PGLYRP2: variants seen among roughly 807,000 people sequenced by gnomAD.
PGLYRP2 encodes N-acetylmuramoyl-L-alanine amidase.
PGLYRP2 carries 38 observed loss-of-function variants against 46.2 expected under a neutral mutation model. The ratio of observed to expected loss-of-function variants is 0.82; its 90% CI spans 0.64 to 1.08. The LOEUF is 1.08. PGLYRP2 is among the 50% of genes least tolerant of loss of function. The pLI, the probability that PGLYRP2 is intolerant of heterozygous loss-of-function variation, is 0.00. For missense variants in PGLYRP2, 713 were observed against 755.9 expected, an observed-to-expected ratio of 0.94 and a Z score of 0.67; for synonymous variants, 289 against 329.4, an observed-to-expected ratio of 0.88 and a Z score of 1.33.
chr19:15,475,766 G>A lies in PGLYRP2; in HGVS notation c.904C>T (p.Gln302Ter). 6.2e-7 allele frequency: 1 copy of A among 1,614,058 alleles called. No individual in the cohort carries two copies. Among genetic ancestry groups the A allele is most frequent in the Non-Finnish European group, 8.5e-7 (1 of 1,179,964 alleles). Reference sequence around the variant, plus strand: ...CTGGCCACCCCAGCCCCATAGTACTGGCTCAGCAAGTGGCTGAGGGATGGC... The same window carrying A: ...CTGGCCACCCCAGCCCCATAGTACTAGCTCAGCAAGTGGCTGAGGGATGGC... ...PRPSLSHLLSQYYGAGVARDP... is the reference protein window; with the variant it reads ...PRPSLSHLLS Residue 302 changes from glutamine (Q) to a stop codon, truncating the protein, a stop_gained, in exon 2 of 5, where the codon CAG becomes TAG. Coordinates refer to ENST00000340880, the MANE Select transcript of PGLYRP2 (RefSeq NM_052890.4). LOFTEE classifies it high-confidence loss of function.
Position 15,469,531 on chromosome 19 carries a change from G to A in PGLYRP2, c.1641+101C>T. 2.7e-6 allele frequency: 4 copies of A among 1,473,872 alleles called. No individual in the cohort carries two copies. Among genetic ancestry groups the A allele is most frequent in the Non-Finnish European group, 3.7e-6 (4 of 1,088,790 alleles). 91.3% of individuals were successfully genotyped at this position (1,473,872 alleles called of 1,614,324 possible). On this transcript the variant is annotated intron_variant, in intron 4 of 4. Coordinates refer to ENST00000340880, the MANE Select transcript of PGLYRP2 (RefSeq NM_052890.4). This position sits in a 1 kb window ranked among gnomAD's most constrained non-coding sequence, Gnocchi z 4.9. ...CCGGGAAGTTGGGGGCCTGGCTGAG[G>A]CTGTGCGGGCACAGCTGTTACAGGC... is the stretch of plus-strand genomic sequence containing the variant.
In PGLYRP2 at chr19:15,469,628, T is replaced by C. The variant is rs761046433; in HGVS notation, c.1641+4A>G. On this transcript the variant is annotated splice_donor_region_variant and intron_variant, in intron 4 of 4. Transcript: ENST00000340880. This position sits in a 1 kb window ranked among gnomAD's most constrained non-coding sequence, Gnocchi z 4.9. ...GCCGTGTAGTGCAGGCTGCGAAGACTCACCGCGGTGAAGTGCGGCCAGGTG... is the reference window on the plus strand; with the variant it reads ...GCCGTGTAGTGCAGGCTGCGAAGACCCACCGCGGTGAAGTGCGGCCAGGTG... 3 of 1,576,268 alleles carry C rather than the reference T, an allele frequency of 1.9e-6. No homozygotes were observed. Among genetic ancestry groups the C allele is most frequent in the South Asian group, 1.1e-5 (1 of 87,714 alleles).
rs755672355 is a variant in PGLYRP2, at chr19:15,472,058, G to A, written c.1175C>T (p.Pro392Leu). 4.4e-6 allele frequency: 7 copies of A among 1,608,452 alleles called. No individual in the cohort carries two copies. The highest frequency in any genetic ancestry group is 5.1e-6 in the Non-Finnish European group (6 of 1,179,856). The change falls in exon 3 of 5, where the codon CCT becomes CTT. Residue 392 changes from proline (P) to leucine (L), a missense_variant. Physicochemically the swap from Pro to Leu is moderately conservative, Grantham distance 98. Coordinates refer to ENST00000340880, the MANE Select transcript of PGLYRP2 (RefSeq NM_052890.4). The stretch of plus-strand genomic sequence containing the variant: ...CAGCAGCTTCGGGCGGCCCCGATAA[G>A]GCGCCGCTCCCCAGCGGCAGCGGGG... ...IHPRCRWGAA[P>L]YRGRPKLLQL...
rs7258629 is a variant in PGLYRP2 at position 15,475,734 on chromosome 19, T to G, written c.936A>C (p.Pro312=). The change falls in exon 2 of 5, where the codon CCA becomes CCC. Residue 312 remains proline, a synonymous_variant. Coordinates refer to ENST00000340880, the MANE Select transcript of PGLYRP2 (RefSeq NM_052890.4). ...GCCGTCGGAAGTTGCTGCGGAACCC[T>G]GGGTCTCTGGCCACCCCAGCCCCAT... The part of the protein sequence containing the change: ...QYYGAGVARD[P]GFRSNFRRQN... 7.7e-4 allele frequency: 1,245 copies of G among 1,613,986 alleles called. 12 individuals are homozygous for G. In the African/African-American group the frequency reaches 0.013, roughly 17 times the overall value.
intron 3 of PGLYRP2, among the ~76,000 whole-genome samples, chr19:15,470,220 T>C (rs1028376312): frequency 1.4e-5 from 2 of 139,196 alleles, no homozygotes; most frequent in African/African-American, 5.4e-5. Context: ...AGAGAGCTTT[T>C]CTGTTTTTGG....
At chr19:15,472,476 G>A (rs1369861627) in intron 2 of PGLYRP2, among the ~76,000 whole-genome samples, 2 of 152,000 alleles carry the variant, frequency 1.3e-5, no homozygotes, top group African/African-American at 2.4e-5. Flanking sequence ...TGTAATCCCA[G>A]CTACTTGGGA....
chr19:15,475,554 G>A lies in PGLYRP2; in HGVS notation c.1116C>T (p.Phe372=), dbSNP rs1970785720. 2 of 1,602,352 alleles carry A rather than the reference G, an allele frequency of 1.2e-6. No homozygotes were observed. Among genetic ancestry groups the A allele is most frequent in the Non-Finnish European group, 8.5e-7 (1 of 1,172,622 alleles). ...AQVAANATKE[F]TEAFLGCPAI... ...CTTCCTCACCCAGGAAGGCCTCAGT[G>A]AATTCCTTGGTAGCATTGGCAGCCA... The change falls in exon 2 of 5, where the codon TTC becomes TTT. Residue 372 remains phenylalanine, a synonymous_variant. Transcript: ENST00000340880.
chr19:15,473,635 A>C (rs1171979713), intron 2 of PGLYRP2, among the ~76,000 whole-genome samples: 2 of 151,978 alleles, frequency 1.3e-5, no homozygotes, highest in East Asian at 3.8e-4. Context: ...CCTCAAAAGC[A>C]CAGAGCAAAA....
At chr19:15,472,708 T>C (rs1970761430) in intron 2 of PGLYRP2, among the ~76,000 whole-genome samples, 1 of 152,166 alleles carries the variant, frequency 6.6e-6, no homozygotes, top group African/African-American at 2.4e-5. Flanking sequence ...AAGACCAGCC[T>C]GGGCAACATA....
chr19:15,478,053 A>C (rs1458906646), intron 1 of PGLYRP2, among the ~76,000 whole-genome samples: 1 of 152,162 alleles, frequency 6.6e-6, no homozygotes, highest in Admixed American at 6.5e-5. Context: ...AATTTATGAA[A>C]AACAGAAATT....
chr19:15,469,530 GGCTGTGCGGGCACA>G lies in PGLYRP2; in HGVS notation c.1641+88_1641+101del. On this transcript the variant is annotated intron_variant, in intron 4 of 4. Transcript: ENST00000340880. This position sits in a 1 kb window ranked among gnomAD's most constrained non-coding sequence, Gnocchi z 4.9. Reference sequence around the variant, plus strand: ...GCCGGGAAGTTGGGGGCCTGGCTGAGGCTGTGCGGGCACAGCTGTTACAGGCAGGGGGCAGGGGC... The same window carrying G: ...GCCGGGAAGTTGGGGGCCTGGCTGAGGCTGTTACAGGCAGGGGGCAGGGGC... 1.1e-5 allele frequency: 16 copies of G among 1,468,256 alleles called. No homozygotes were observed. Among genetic ancestry groups the G allele is most frequent in the Non-Finnish European group, 1.4e-5 (15 of 1,083,612 alleles). 91.0% of individuals were successfully genotyped at this position (1,468,256 alleles called of 1,614,324 possible). A position where few individuals can be genotyped will look rare whatever the true frequency, so the allele number is the denominator to read the frequency against.
chr19:15,475,968 A>G lies in PGLYRP2; in HGVS notation c.702T>C (p.Gly234=). ...GGTCTGGATGGCTCTGGGTCTGGGA[A>G]CCTCGGAGGAAGGTCAGGCCCAGGT... ...AGNLGLTFLR[G]SQTQSHPDLG... Residue 234 remains glycine, a synonymous_variant, in exon 2 of 5, where the codon GGT becomes GGC. Transcript: ENST00000340880. 6.2e-7 allele frequency: 1 copy of G among 1,613,958 alleles called. No individual in the cohort carries two copies.
chr19:15,477,413 A>AAC (rs1970807632), intron 1 of PGLYRP2, among the ~76,000 whole-genome samples: 1 of 114,068 alleles, frequency 8.8e-6, no homozygotes, highest in African/African-American at 3.2e-5. Context: ...AAAAAAAAAA[A>AAC]AATGCCAGAC....
intron 2 of PGLYRP2, 42 bp from the exon 3 acceptor site, chr19:15,472,142 C>G: frequency 6.6e-7 from 1 of 1,521,612 alleles, no homozygotes; most frequent in Non-Finnish European, 8.9e-7. Context: ...GGAACTGTTT[C>G]TCTGCCTGTT....
rs200781547 is a variant in PGLYRP2, at chr19:15,475,972, C to G, written c.698G>C (p.Arg233Pro). ...LAGNLGLTFLRGSQTQSHPDL... is the reference protein window; with the variant it reads ...LAGNLGLTFLPGSQTQSHPDL... ...TGGATGGCTCTGGGTCTGGGAACCT[C>G]GGAGGAAGGTCAGGCCCAGGTTTCC... Residue 233 changes from arginine to proline, a missense_variant, in exon 2 of 5, where the codon CGA (arginine) becomes CCA (proline). By Grantham distance (103) the Arg-to-Pro change is moderately radical. Coordinates refer to ENST00000340880, the MANE Select transcript of PGLYRP2 (RefSeq NM_052890.4). The G allele has an allele frequency of 4.3e-4, 699 of 1,614,072 alleles. No individual in the cohort carries two copies. The highest frequency in any genetic ancestry group is 5.6e-4 in the Non-Finnish European group (658 of 1,180,010).
Position 15,470,585 on chromosome 19 carries a change from G to C in PGLYRP2, c.1344-656C>G, listed in dbSNP as rs1970739052. Among the ~76,000 whole-genome samples the C allele has an allele frequency of 2.0e-5, 3 of 151,522 alleles. No individual in the cohort carries two copies. The South Asian group carries it at 6.3e-4, about 32-fold the overall frequency. On this transcript the variant is annotated intron_variant, in intron 3 of 4. Coordinates refer to ENST00000340880, the MANE Select transcript of PGLYRP2 (RefSeq NM_052890.4). ...GCCTCCCAAAGTGCTGGGATTACAG[G>C]CGTGAGCCACTGTGCCCAGCCTTCT...
chr19:15,471,787 G>A, intron 3 of PGLYRP2, 103 bp downstream of exon 3: 1 of 1,335,972 alleles, frequency 7.5e-7, no homozygotes, highest in Non-Finnish European at 1.0e-6. Context: ...GGTCTTGCCA[G>A]CTTTCCTCGG....
intron 1 of PGLYRP2, among the ~76,000 whole-genome samples, chr19:15,478,796 A>G (rs1436203810): frequency 6.6e-6 from 1 of 151,850 alleles, no homozygotes; most frequent in East Asian, 1.9e-4. Context: ...AATTTTTGGT[A>G]TTTTTAGTAG....
rs796077996 is a variant in PGLYRP2 at position 15,470,463 on chromosome 19, A to AT, written c.1344-535dup. The stretch of plus-strand genomic sequence containing the variant: ...AGGCACCCGCCACCACGCCCATCTA[A>AT]TTTTTTTTTTAATTTTTATTTTTAG... On this transcript the variant is annotated intron_variant, in intron 3 of 4. Coordinates refer to ENST00000340880, the MANE Select transcript of PGLYRP2 (RefSeq NM_052890.4). Among the ~76,000 whole-genome samples the AT allele has an allele frequency of 1.5e-3, 221 of 147,382 alleles. 1 individual carries two copies. Among genetic ancestry groups the AT allele is most frequent in the African/African-American group, 4.7e-3 (190 of 40,026 alleles).
Sources: gnomAD v4.1 joint callset for allele counts (sites outside exome capture counted in the v4.1 genomes callset) on GRCh38, gnomAD v4.1.1 for gene constraint, Gnocchi (gnomAD v3.1) non-coding constraint, MANE v1.5 for transcripts, NCBI Gene and HGNC (gene_info 2026-07-23, HGNC 2026-07-21) for gene names.